GLIS3: variants seen among roughly 807,000 people sequenced by gnomAD.
The protein encoded by GLIS3 is zinc finger protein GLIS3.
In GLIS3, 53 loss-of-function variants were observed where a neutral mutation model predicts 78.6. The ratio of observed to expected loss-of-function variants is 0.67; its 90% CI spans 0.54 to 0.85. The LOEUF (loss-of-function observed/expected upper bound fraction) is 0.85, where lower values mean the gene tolerates loss of function less well. Ranked by LOEUF, GLIS3 falls within the 40% of genes least tolerant of loss-of-function variation. GLIS3 has a pLI of 0.00. For missense variants in GLIS3, 1,703 were observed against 1,231.1 expected, an observed-to-expected ratio of 1.38 and a Z score of -5.74; for synonymous variants, 684 against 509.9, an observed-to-expected ratio of 1.34 and a Z score of -4.60.
chr9:4,043,784 G>A (rs1362710468), intron 4 of GLIS3, among the ~76,000 whole-genome samples: 7 of 152,212 alleles, frequency 4.6e-5, no homozygotes. Context: ...ATGTGACTGA[G>A]TAACACAAAA....
rs951421761 is a variant in GLIS3, at chr9:3,856,267, C to T, written c.2298-83G>A. 2.6e-5 allele frequency: 32 copies of T among 1,238,182 alleles called. No individual in the cohort carries two copies. The Admixed American group carries it at 6.3e-4, about 24-fold the overall frequency. The allele number at this position is 1,238,182 out of a possible 1,614,324, so 76.7% of individuals were successfully genotyped here. ...AAACTCTCCAAAGCCAAATTCTCACCTCCCATTCTGGCTATACAAGAGCGT... is the reference window on the plus strand; with the variant it reads ...AAACTCTCCAAAGCCAAATTCTCACTTCCCATTCTGGCTATACAAGAGCGT... On this transcript the variant is annotated intron_variant, in intron 8 of 10. Transcript: ENST00000381971.
chr9:4,282,831 G>C (rs984972143), intron 2 of GLIS3, among the ~76,000 whole-genome samples: 4 of 151,942 alleles, frequency 2.6e-5, no homozygotes, highest in African/African-American at 9.7e-5. Context: ...AAACCCACAA[G>C]AGTCCCATGT....
chr9:4,161,452 G>C (rs1297146075), intron 2 of GLIS3, among the ~76,000 whole-genome samples: 1 of 151,992 alleles, frequency 6.6e-6, no homozygotes, highest in East Asian at 1.9e-4. Context: ...GACAAATAAA[G>C]GGTTTCAAAA....
chr9:4,234,051 A>G (rs559585243), intron 2 of GLIS3, among the ~76,000 whole-genome samples: 1 of 152,276 alleles, frequency 6.6e-6, no homozygotes, highest in East Asian at 1.9e-4. Context: ...CTTAATCTGG[A>G]TTAGGCTTTA....
chr9:4,372,530 C>A, the GLIS3 span, among the ~76,000 whole-genome samples: 3 of 143,842 alleles, frequency 2.1e-5, no homozygotes, highest in Non-Finnish European at 4.5e-5. Context: ...GGAGGCAATA[C>A]TCCTCTGCAC....
chr9:4,320,286 G>T (rs1213820437), intron 2 of GLIS3, among the ~76,000 whole-genome samples: 1 of 152,092 alleles, frequency 6.6e-6, no homozygotes, highest in East Asian at 1.9e-4. Context: ...ATTTGAGTTT[G>T]TGAGCTGACT....
chr9:4,239,628 G>A (rs1033361392), intron 2 of GLIS3, among the ~76,000 whole-genome samples: 3 of 152,190 alleles, frequency 2.0e-5, no homozygotes, highest in African/African-American at 4.8e-5. Context: ...GAAGGTCTAC[G>A]CTTTGGAGGC....
At chr9:4,220,420 C>A (rs1020646869) in intron 2 of GLIS3, among the ~76,000 whole-genome samples, 1 of 152,190 alleles carries the variant, frequency 6.6e-6, no homozygotes, top group African/African-American at 2.4e-5. Flanking sequence ...GTAGAGAAAA[C>A]TGGCACACAG....
chr9:4,437,165 A>G, the GLIS3 span, among the ~76,000 whole-genome samples: 1 of 152,198 alleles, frequency 6.6e-6, no homozygotes, highest in Non-Finnish European at 1.5e-5. Flanking sequence ...ATGAAAGTGT[A>G]TTTGAATCCT....
chr9:4,313,370 C>T (rs1317069983), intron 2 of GLIS3, among the ~76,000 whole-genome samples: 2 of 152,320 alleles, frequency 1.3e-5, no homozygotes, highest in South Asian at 2.1e-4. Flanking sequence ...CCACCTCCCC[C>T]TCTCCATCTC....
intron 8 of GLIS3, among the ~76,000 whole-genome samples, chr9:3,859,351 ACAC>A: frequency 1.6e-3 from 1 of 626 alleles, no homozygotes; most frequent in Non-Finnish European, 0.011. Flanking sequence ...TTTCTTCGAA[ACAC>A]ACACACACAC....
chr9:3,974,443 A>C (rs1818617012), intron 4 of GLIS3, among the ~76,000 whole-genome samples: 1 of 152,156 alleles, frequency 6.6e-6, no homozygotes, highest in African/African-American at 2.4e-5. Flanking sequence ...TCCATAAAGA[A>C]ACTCTGTCCC....
chr9:4,111,032 C>T (rs1831170250), intron 4 of GLIS3, among the ~76,000 whole-genome samples: 1 of 152,070 alleles, frequency 6.6e-6, no homozygotes, highest in Non-Finnish European at 1.5e-5. Flanking sequence ...TAATATATTG[C>T]CAAACAAATT....
intron 3 of GLIS3, among the ~76,000 whole-genome samples, chr9:4,121,288 T>C (rs912150097): frequency 6.6e-6 from 1 of 152,214 alleles, no homozygotes. Flanking sequence ...TTATATACTG[T>C]CTGCAATGTG....
intron 2 of GLIS3, among the ~76,000 whole-genome samples, chr9:4,210,051 T>A (rs757977721): frequency 1.3e-5 from 2 of 152,170 alleles, no homozygotes; most frequent in Non-Finnish European, 2.9e-5. Context: ...CAGCTTGGTG[T>A]CCCCAGTGCT....
chr9:4,020,894 C>T (rs918744799), intron 4 of GLIS3, among the ~76,000 whole-genome samples: 1 of 152,188 alleles, frequency 6.6e-6, no homozygotes, highest in African/African-American at 2.4e-5. Flanking sequence ...CACAGTAACA[C>T]TCACCACAAA....
At chr9:3,918,108 G>T (rs1328791164) in intron 6 of GLIS3, among the ~76,000 whole-genome samples, 1 of 152,174 alleles carries the variant, frequency 6.6e-6, no homozygotes, top group African/African-American at 2.4e-5. Flanking sequence ...ATGCAGACTG[G>T]CAAGATAGAG....
At chr9:4,358,979 C>T in the GLIS3 span, among the ~76,000 whole-genome samples, 1 of 152,194 alleles carries the variant, frequency 6.6e-6, no homozygotes, top group East Asian at 1.9e-4. Context: ...ACACTCCTCA[C>T]TAGTCCCATC....
At chr9:4,133,364 T>A (rs988294600) in intron 2 of GLIS3, among the ~76,000 whole-genome samples, 1 of 152,200 alleles carries the variant, frequency 6.6e-6, no homozygotes, top group African/African-American at 2.4e-5. Flanking sequence ...AACATAGGTT[T>A]TGAGACTCCC....
Sources: gnomAD v4.1 joint callset for allele counts (sites outside exome capture counted in the v4.1 genomes callset) on GRCh38, gnomAD v4.1.1 for gene constraint, MANE v1.5 for transcripts, NCBI Gene and HGNC (gene_info 2026-07-23, HGNC 2026-07-21) for gene names.